CPQ: variants seen among roughly 807,000 people sequenced by gnomAD.
CPQ encodes the protein Ser-Met dipeptidase.
In CPQ, 37 loss-of-function variants were observed where a neutral mutation model predicts 45.7. The ratio of observed to expected loss-of-function variants is 0.81; its 90% CI spans 0.62 to 1.07. The LOEUF is 1.07. CPQ is among the 50% of genes least tolerant of loss of function. The pLI, the probability that CPQ is intolerant of heterozygous loss-of-function variation, is 0.00. For synonymous variants in CPQ, 186 were observed against 205.8 expected, an observed-to-expected ratio of 0.90 and a Z score of 0.82; for missense variants, 537 against 572.9, an observed-to-expected ratio of 0.94 and a Z score of 0.64.
intron 6 of CPQ, chr8:97,056,289 A>C (rs1420528653): frequency 6.6e-6 from 1 of 152,198 alleles, no homozygotes; most frequent in Non-Finnish European, 1.5e-5. Flanking sequence ...GGAACTCATC[A>C]CCATACAGAT....
chr8:97,054,346 T>C (rs1450661872), intron 6 of CPQ, among the ~76,000 whole-genome samples: 1 of 152,194 alleles, frequency 6.6e-6, no homozygotes, highest in Non-Finnish European at 1.5e-5. Context: ...GTATAGCCTC[T>C]ATGGAAAACA....
At chr8:97,137,096 G>C (rs1812073497) in intron 7 of CPQ, among the ~76,000 whole-genome samples, 1 of 152,198 alleles carries the variant, frequency 6.6e-6, no homozygotes, top group South Asian at 2.1e-4. Flanking sequence ...ACACGTTTTG[G>C]AGTTGTTTTA....
At chr8:97,021,035 G>C (rs1354405632) in intron 5 of CPQ, among the ~76,000 whole-genome samples, 1 of 152,020 alleles carries the variant, frequency 6.6e-6, no homozygotes. Context: ...TGATCAAGTG[G>C]GTTTCATACC....
At chr8:96,827,702 A>G (rs1811397575) in intron 2 of CPQ, among the ~76,000 whole-genome samples, 2 of 152,040 alleles carry the variant, frequency 1.3e-5, no homozygotes, top group East Asian at 1.9e-4. Context: ...GGTGATGCCA[A>G]TATTATTGTG....
At chr8:96,711,101 T>G (rs1481398060) in intron 1 of CPQ, among the ~76,000 whole-genome samples, 1 of 152,144 alleles carries the variant, frequency 6.6e-6, no homozygotes, top group Non-Finnish European at 1.5e-5. Context: ...TTTTTCTTAC[T>G]ATTATTGCTT....
At chr8:96,777,756 ATATATTTTTTTTTTTTTTTTTTT>A (rs1810633198) in intron 1 of CPQ, among the ~76,000 whole-genome samples, 1 of 12,192 alleles carries the variant, frequency 8.2e-5, no homozygotes, top group African/African-American at 3.7e-4. Context: ...ATATATATAT[ATATATTTTTTTTTTTTTTTTTTT>A]TTTTTTTTTT....
At chr8:96,878,978 C>T (rs1451545028) in intron 3 of CPQ, among the ~76,000 whole-genome samples, 1 of 152,162 alleles carries the variant, frequency 6.6e-6, no homozygotes, top group African/African-American at 2.4e-5. Context: ...TTAGGAGCCA[C>T]ACCTCAGGGG....
intron 1 of CPQ, among the ~76,000 whole-genome samples, chr8:96,662,350 T>A (rs558794654): frequency 2.0e-5 from 3 of 152,188 alleles, no homozygotes; most frequent in Non-Finnish European, 4.4e-5. Context: ...TATGTGATAA[T>A]AAAATGGGGG....
At chr8:96,926,616 TCTTCTTCTCCTCCTTCTC>T (rs1812890043) in intron 4 of CPQ, among the ~76,000 whole-genome samples, 1 of 148,588 alleles carries the variant, frequency 6.7e-6, no homozygotes, top group African/African-American at 2.5e-5. Context: ...TTCTTCTTCT[TCTTCTTCTCCTCCTTCTC>T]CTTCTTCTTC....
intron 5 of CPQ, among the ~76,000 whole-genome samples, chr8:97,014,106 T>C (rs1015353089): frequency 1.3e-5 from 2 of 152,196 alleles, no homozygotes; most frequent in African/African-American, 4.8e-5. Flanking sequence ...TCTAAGAAGA[T>C]GAATCTGGCA....
intron 1 of CPQ, among the ~76,000 whole-genome samples, chr8:96,667,515 A>AT (rs1373858380): frequency 1.3e-5 from 2 of 151,428 alleles, no homozygotes; most frequent in African/African-American, 4.9e-5. Flanking sequence ...CGCCTGGCTA[A>AT]TTTTTTTATA....
intron 1 of CPQ, among the ~76,000 whole-genome samples, chr8:96,645,808 T>C (rs1006855777): frequency 2.0e-5 from 3 of 151,240 alleles, no homozygotes; most frequent in African/African-American, 7.3e-5. Flanking sequence ...GCCTCCAATA[T>C]GCCTTATGCA....
chr8:96,769,814 G>T lies in CPQ; in HGVS notation c.-34-15050G>T, dbSNP rs77621282. Among the ~76,000 whole-genome samples the T allele has an allele frequency of 9.4e-3, 1,426 of 151,678 alleles. 15 individuals are homozygous for T. Among genetic ancestry groups the T allele is most frequent in the South Asian group, 0.02 (96 of 4,792 alleles). On this transcript the variant is annotated intron_variant, in intron 1 of 7. Transcript: ENST00000220763. ...GCCTGCCTAATTTTTGCATTTTTGT[G>T]GGGGGTGGGTAGAGATGGGGTTTCA... is the stretch of plus-strand genomic sequence containing the variant.
intron 1 of CPQ, among the ~76,000 whole-genome samples, chr8:96,708,529 A>T (rs924296990): frequency 1.3e-5 from 2 of 151,950 alleles, no homozygotes; most frequent in African/African-American, 4.8e-5. Context: ...TTTAAGAACA[A>T]TAGAAACTTA....
chr8:96,972,574 C>G (rs985538706), intron 5 of CPQ, among the ~76,000 whole-genome samples: 6 of 152,210 alleles, frequency 3.9e-5, no homozygotes, highest in South Asian at 2.1e-4. Flanking sequence ...GGAGGCCAAC[C>G]AACACAAAAC....
chr8:97,023,031 G>GTATA (rs1009770775), intron 5 of CPQ, among the ~76,000 whole-genome samples: 1 of 143,636 alleles, frequency 7.0e-6, no homozygotes, highest in African/African-American at 2.6e-5. Flanking sequence ...TATATATACA[G>GTATA]TATATATACA....
At chr8:97,140,328 T>C (rs1484746084) in intron 7 of CPQ, among the ~76,000 whole-genome samples, 1 of 151,442 alleles carries the variant, frequency 6.6e-6, no homozygotes, top group African/African-American at 2.4e-5. Flanking sequence ...AACCAGGAAA[T>C]AAATAATTCT....
At chr8:97,099,451 A>G (rs1308249967) in intron 7 of CPQ, among the ~76,000 whole-genome samples, 1 of 151,728 alleles carries the variant, frequency 6.6e-6, no homozygotes, top group African/African-American at 2.4e-5. Flanking sequence ...CTTTCTGATC[A>G]CATCCTATCA....
intron 7 of CPQ, among the ~76,000 whole-genome samples, chr8:97,084,654 TGCCTTG>T (rs1811010461): frequency 1.3e-5 from 2 of 152,250 alleles, no homozygotes; most frequent in Admixed American, 6.5e-5. Context: ...TGTCTCCCTA[TGCCTTG>T]GTTCACAGGC....
Sources: gnomAD v4.1 joint callset for allele counts (sites outside exome capture counted in the v4.1 genomes callset) on GRCh38, gnomAD v4.1.1 for gene constraint, MANE v1.5 for transcripts, NCBI Gene and HGNC (gene_info 2026-07-23, HGNC 2026-07-21) for gene names.